EXO1: variants seen among roughly 807,000 people sequenced by gnomAD.
The protein encoded by EXO1 is exonuclease 1.
EXO1 carries 69 observed loss-of-function variants against 84.5 expected under a neutral mutation model. The ratio of observed to expected loss-of-function variants is 0.82; its 90% confidence interval spans 0.67 to 1.00. The LOEUF (loss-of-function observed/expected upper bound fraction) is 1.00. Among genes scored for constraint, EXO1 ranks in the 50% least tolerant of loss-of-function variants. EXO1 has a pLI of 0.00. For missense variants in EXO1, 1,045 were observed against 1,000.7 expected (o/e 1.04, Z -0.60); for synonymous variants, 373 against 366.1 (o/e 1.02, Z -0.21).
chr1:241,861,563 A>G (rs1395621860), intron 10 of EXO1, 61 bp downstream of exon 10: 1 of 897,478 alleles, frequency 1.1e-6, no homozygotes, highest in East Asian at 2.4e-5. Context: ...GCTGTGATTA[A>G]AGGCAAATCT....
rs1285831743 is a variant in EXO1, at chr1:241,848,417, A to G, written c.-420+64A>G. ...TCCCTTGGGGGTCGACCTGCGCGTC[A>G]CCTCCGACCCTCCTCTCGGGATTCG... On this transcript the variant is annotated intron_variant, in intron 1 of 15. Transcript: ENST00000366548. This position sits in a 1 kb window ranked among gnomAD's most constrained non-coding sequence, Gnocchi z 4.2. 1.3e-5 allele frequency: 2 copies of G among 152,032 alleles called. No homozygotes were observed. The highest frequency in any genetic ancestry group is 2.4e-5 in the African/African-American group (1 of 41,324). 9.4% of individuals were successfully genotyped at this position (152,032 alleles called of 1,614,324 possible).
intron 10 of EXO1, 126 bp from the exon 11 acceptor site, chr1:241,866,704 G>A (rs986925341): frequency 8.0e-6 from 6 of 750,056 alleles, no homozygotes; most frequent in Admixed American, 2.0e-5. Context: ...AAGGACAGCT[G>A]TTTCATCAAC....
chr1:241,886,206 A>G (rs1663062914), intron 15 of EXO1, among the ~76,000 whole-genome samples: 1 of 152,216 alleles, frequency 6.6e-6, no homozygotes, highest in Admixed American at 6.5e-5. Context: ...GTACTTCTCT[A>G]ATTTATCACA....
chr1:241,857,395 T>TG lies in EXO1; in HGVS notation c.457dup (p.Ala153GlyfsTer7). The TG allele has an allele frequency of 1.9e-6, 3 of 1,614,008 alleles. No homozygotes were observed. Among genetic ancestry groups the TG allele is most frequent in the Non-Finnish European group, 2.5e-6 (3 of 1,179,946 alleles). On this transcript the variant is annotated frameshift_variant, in exon 7 of 16. Transcript: ENST00000366548. LOFTEE classifies it high-confidence loss of function. The stretch of plus-strand genomic sequence containing the variant: ...GCCTCGTGGCTCCCTATGAAGCTGA[T>TG]GCGCAGTTGGCCTATCTTAACAAAG...
rs774980186 is a variant in EXO1 at position 241,889,430 on chromosome 1, TA to T, written c.2406-30del. 7.5e-6 allele frequency: 12 copies of T among 1,595,550 alleles called. No homozygotes were observed. In the East Asian group the frequency reaches 2.7e-4, roughly 36 times the overall value. ...ATTTCTTCTCTAATAATCAGTACCT[TA>T]AAAATACCAAATGTATTTTATTGTA... On this transcript the variant is annotated intron_variant, in intron 15 of 15. Transcript: ENST00000366548.
chr1:241,878,934 A>G lies in EXO1; in HGVS notation c.1700A>G (p.His567Arg). ...TCAAGTGATGACATTCCGAATAATC[A>G]TATTCCAGGTGATCATATTCCAGAC... is the stretch of plus-strand genomic sequence containing the variant. ...RNSSDDIPNN[H>R]IPGDHIPDKA... Residue 567 changes from histidine to arginine, a missense_variant, in exon 13 of 16, where the codon CAT (histidine) becomes CGT (arginine). His to Arg is a conservative substitution (Grantham distance 29). Transcript: ENST00000366548. 1.9e-6 allele frequency: 3 copies of G among 1,614,202 alleles called. No homozygotes were observed. The highest frequency in any genetic ancestry group is 2.5e-6 in the Non-Finnish European group (3 of 1,180,022).
intron 12 of EXO1, among the ~76,000 whole-genome samples, chr1:241,876,965 A>G (rs1373713130): frequency 1.3e-5 from 2 of 152,244 alleles, no homozygotes; most frequent in African/African-American, 4.8e-5. Flanking sequence ...GCTGTTGTGA[A>G]GGTAAATAGA....
At chr1:241,874,800 T>A (rs1221496069) in intron 12 of EXO1, among the ~76,000 whole-genome samples, 1 of 152,166 alleles carries the variant, frequency 6.6e-6, no homozygotes, top group Non-Finnish European at 1.5e-5. Flanking sequence ...AGCAGTGCCT[T>A]ATAGATAGAT....
intron 3 of EXO1, among the ~76,000 whole-genome samples, chr1:241,850,104 A>G (rs1391223621): frequency 6.6e-6 from 1 of 151,068 alleles, no homozygotes; most frequent in African/African-American, 2.4e-5. Context: ...ACATGGTGAA[A>G]CCCCGTCTCT....
intron 14 of EXO1, 102 bp from the exon 15 acceptor site, chr1:241,885,212 G>GTAAGTAAA (rs71570909): frequency 2.3e-6 from 1 of 438,696 alleles, no homozygotes; most frequent in Non-Finnish European, 3.8e-6. Flanking sequence ...ATCTCAAAAA[G>GTAAGTAAA]TAAATAAATA....
intron 12 of EXO1, among the ~76,000 whole-genome samples, chr1:241,875,573 G>A (rs1385834314): frequency 6.6e-6 from 1 of 152,190 alleles, no homozygotes; most frequent in East Asian, 1.9e-4. Flanking sequence ...CTGGAACAGT[G>A]TTCTAGATAA....
At chr1:241,884,026 A>G (rs1252689160) in intron 14 of EXO1, among the ~76,000 whole-genome samples, 3 of 151,160 alleles carry the variant, frequency 2.0e-5, no homozygotes, top group Non-Finnish European at 3.0e-5. Context: ...CTAAAATCAA[A>G]CTCGTGTCTT....
intron 13 of EXO1, among the ~76,000 whole-genome samples, chr1:241,880,359 T>C (rs951957150): frequency 6.6e-6 from 1 of 152,222 alleles, no homozygotes; most frequent in Non-Finnish European, 1.5e-5. Flanking sequence ...CCTTTGGGGT[T>C]ATCTTTTTTA....
chr1:241,867,615 G>T (rs920664126), intron 11 of EXO1, among the ~76,000 whole-genome samples: 1 of 151,586 alleles, frequency 6.6e-6, no homozygotes, highest in South Asian at 2.1e-4. Flanking sequence ...AAGGATTATG[G>T]CTTTTTTTTT....
At chr1:241,865,052 T>TG (rs68010446) in intron 10 of EXO1, among the ~76,000 whole-genome samples, 13 of 145,290 alleles carry the variant, frequency 8.9e-5, no homozygotes, top group African/African-American at 3.1e-4. Flanking sequence ...TTTGTGTGTG[T>TG]GGGGGGGGGG....
At chr1:241,878,039 C>G (rs542392538) in intron 12 of EXO1, among the ~76,000 whole-genome samples, 155 of 152,268 alleles carry the variant, frequency 1.0e-3, no homozygotes, top group African/African-American at 3.5e-3. Context: ...TAGCCCCATC[C>G]TAGGTACTGT....
intron 6 of EXO1, among the ~76,000 whole-genome samples, chr1:241,856,589 A>G (rs1558124605): frequency 6.6e-6 from 1 of 152,178 alleles, no homozygotes; most frequent in East Asian, 1.9e-4. Context: ...GATATGGTCT[A>G]TAATTTTATC....
At chr1:241,889,340 TG>T in intron 15 of EXO1, 124 bp from the exon 16 acceptor site, 1 of 818,326 alleles carries the variant, frequency 1.2e-6, no homozygotes, top group Non-Finnish European at 2.0e-6. Flanking sequence ...TATAATGAAT[TG>T]AAAGAGATCG....
intron 6 of EXO1, among the ~76,000 whole-genome samples, chr1:241,856,816 A>C (rs1661074854): frequency 6.6e-6 from 1 of 152,220 alleles, no homozygotes; most frequent in Non-Finnish European, 1.5e-5. Flanking sequence ...GGATCACTTG[A>C]GTCCAGGAGT....
Sources: allele counts gnomAD v4.1 joint callset (sites outside exome capture counted in the v4.1 genomes callset), GRCh38; gene constraint gnomAD v4.1.1; non-coding constraint Gnocchi (gnomAD v3.1); transcripts MANE v1.5; gene names NCBI Gene and HGNC (gene_info 2026-07-23, HGNC 2026-07-21).